Variants in CDH7 observed in about 807,000 individuals in gnomAD.
CDH7 encodes cadherin-7.
Under a neutral mutation model 71.8 loss-of-function variants are expected in CDH7, and 25 were observed. The observed-to-expected ratio is 0.35, with a 90% CI of 0.25 to 0.49. The LOEUF (loss-of-function observed/expected upper bound fraction) is 0.49. Ranked by LOEUF, CDH7 falls within the 20% of genes least tolerant of loss-of-function variation. The pLI, the probability that CDH7 is intolerant of heterozygous loss-of-function variation, is 0.99. For synonymous variants in CDH7, 381 were observed against 363.8 expected (o/e 1.05, Z -0.54); for missense variants, 862 against 974.6 (o/e 0.88, Z 1.54).
intron 2 of CDH7, among the ~76,000 whole-genome samples, chr18:65,782,413 C>T (rs1910345876): frequency 1.3e-5 from 2 of 152,040 alleles, no homozygotes; most frequent in African/African-American, 2.4e-5. Context: ...CTGCCTCGGC[C>T]TCCCAAAGTG....
At chr18:65,778,292 A>T (rs1250005660) in intron 2 of CDH7, among the ~76,000 whole-genome samples, 9 of 150,844 alleles carry the variant, frequency 6.0e-5, no homozygotes, top group Admixed American at 1.3e-4. Context: ...AAAAAAAAAA[A>T]AAAAAAAAAC....
chr18:65,812,359 G>A (rs1911575172), intron 3 of CDH7, among the ~76,000 whole-genome samples: 1 of 152,128 alleles, frequency 6.6e-6, no homozygotes, highest in South Asian at 2.1e-4. Context: ...TGTCTTCAGG[G>A]TGTACTTGAC....
intron 2 of CDH7, among the ~76,000 whole-genome samples, chr18:65,786,704 G>C (rs1163685164): frequency 6.6e-6 from 1 of 151,678 alleles, no homozygotes; most frequent in Non-Finnish European, 1.5e-5. Flanking sequence ...TTTTCTTTGA[G>C]ATAAGATCTT....
At chr18:65,814,728 T>C in intron 4 of CDH7, 124 bp downstream of exon 4, 1 of 748,064 alleles carries the variant, frequency 1.3e-6, no homozygotes, top group Non-Finnish European at 2.1e-6. Flanking sequence ...TCAATATGTC[T>C]ACTTTGGTAA....
chr18:65,761,580 C>T (rs1330917950), intron 1 of CDH7, among the ~76,000 whole-genome samples: 1 of 150,576 alleles, frequency 6.6e-6, no homozygotes, highest in Non-Finnish European at 1.5e-5. Context: ...ACTTCTTTGC[C>T]TTAATTGTTC....
intron 1 of CDH7, among the ~76,000 whole-genome samples, chr18:65,755,126 A>G (rs140695621): frequency 3.3e-5 from 5 of 152,358 alleles, no homozygotes; most frequent in East Asian, 3.9e-4. Flanking sequence ...AGGAAAGATG[A>G]TAAGTTCCAA....
At chr18:65,759,687 T>G (rs1163321994) in intron 1 of CDH7, among the ~76,000 whole-genome samples, 5 of 152,190 alleles carry the variant, frequency 3.3e-5, no homozygotes, top group Admixed American at 2.0e-4. Context: ...GATAATTGAG[T>G]TCAGCTCCTT....
At chr18:65,815,129 A>T (rs1428897296) in intron 4 of CDH7, among the ~76,000 whole-genome samples, 1 of 152,174 alleles carries the variant, frequency 6.6e-6, no homozygotes, top group Non-Finnish European at 1.5e-5. Context: ...AACAATTTTT[A>T]CTGAGTTGAA....
At chr18:65,851,977 T>C (rs1913165846) in intron 7 of CDH7, among the ~76,000 whole-genome samples, 1 of 152,210 alleles carries the variant, frequency 6.6e-6, no homozygotes, top group Non-Finnish European at 1.5e-5. Context: ...GCTGCTTTAA[T>C]GCTGCTAGTT....
intron 3 of CDH7, among the ~76,000 whole-genome samples, chr18:65,813,557 T>C (rs1017214693): frequency 1.3e-5 from 2 of 152,076 alleles, no homozygotes; most frequent in African/African-American, 4.8e-5. Flanking sequence ...AGCTTTAAAA[T>C]GTTGTATTCA....
At chr18:65,751,840 A>G (rs1038282411) in intron 1 of CDH7, among the ~76,000 whole-genome samples, 4 of 152,182 alleles carry the variant, frequency 2.6e-5, no homozygotes, top group Non-Finnish European at 5.9e-5. Flanking sequence ...GTACACTGCT[A>G]CTTGCCGGTA....
intron 2 of CDH7, among the ~76,000 whole-genome samples, chr18:65,794,342 A>C (rs949496721): frequency 6.6e-6 from 1 of 152,160 alleles, no homozygotes; most frequent in African/African-American, 2.4e-5. Context: ...TAAGATTCAC[A>C]TGACAATGAT....
intron 11 of CDH7, among the ~76,000 whole-genome samples, chr18:65,867,909 T>A (rs1913813814): frequency 6.6e-6 from 1 of 152,248 alleles, no homozygotes; most frequent in Admixed American, 6.5e-5. Context: ...AGCTTGACAG[T>A]TAGCTGTCAT....
intron 2 of CDH7, among the ~76,000 whole-genome samples, chr18:65,768,359 C>G (rs1320429961): frequency 1.3e-5 from 2 of 152,090 alleles, no homozygotes; most frequent in Non-Finnish European, 2.9e-5. Context: ...CTCAGCCTCC[C>G]CAGTATCTGG....
intron 2 of CDH7, among the ~76,000 whole-genome samples, chr18:65,766,922 A>AGTT (rs1916391218): frequency 7.3e-6 from 1 of 136,896 alleles, no homozygotes; most frequent in South Asian, 2.2e-4. Flanking sequence ...AAAAAAAAAA[A>AGTT]GTCTACAAAA....
chr18:65,824,770 T>G lies in CDH7; in HGVS notation c.920T>G (p.Leu307Trp). ...TACAAGATTGTGGATGGTGATGGTTTGGGCATTTTTAAGATTTCTGTTGAC... is the reference window on the plus strand; with the variant it reads ...TACAAGATTGTGGATGGTGATGGTTGGGGCATTTTTAAGATTTCTGTTGAC... ...MEYKIVDGDG[L>W]GIFKISVDKE... Residue 307 changes from leucine to tryptophan, a missense_variant, in exon 6 of 12, where the codon TTG becomes TGG. Leu to Trp is a moderately conservative substitution (Grantham distance 61). Transcript: ENST00000397968. The G allele has an allele frequency of 1.2e-6, 2 of 1,612,640 alleles. No individual in the cohort carries two copies. The highest frequency in any genetic ancestry group is 1.7e-6 in the Non-Finnish European group (2 of 1,178,882).
chr18:65,799,159 T>C (rs773330395), intron 2 of CDH7, among the ~76,000 whole-genome samples: 25 of 152,038 alleles, frequency 1.6e-4, no homozygotes, highest in Non-Finnish European at 2.8e-4. Flanking sequence ...AGTGCCCAGA[T>C]ACTAACAGAA....
In CDH7 at chr18:65,809,935, G is replaced by A; in HGVS notation, c.442G>A (p.Asp148Asn). 6.2e-7 allele frequency: 1 copy of A among 1,614,016 alleles called. No individual in the cohort carries two copies. The highest frequency in any genetic ancestry group is 1.1e-5 in the South Asian group (1 of 91,080). The change falls in exon 3 of 12, where the codon GAC (aspartate) becomes AAC (asparagine). Residue 148 changes from aspartate to asparagine, a missense_variant. Physicochemically the swap from Asp to Asn is conservative, Grantham distance 23 (BLOSUM62 1). Coordinates refer to ENST00000397968, the MANE Select transcript of CDH7 (RefSeq NM_004361.5). ...TGTCATCAAAATTCAGGATATCAACGACAATGAACCCAAATTTTTGGATGG... is the reference window on the plus strand; with the variant it reads ...TGTCATCAAAATTCAGGATATCAACAACAATGAACCCAAATTTTTGGATGG... ...EFVIKIQDIN[D>N]NEPKFLDGPY... is the part of the protein sequence containing the mutation.
intron 6 of CDH7, among the ~76,000 whole-genome samples, chr18:65,827,009 CAG>C (rs1462946383): frequency 6.6e-6 from 1 of 151,510 alleles, no homozygotes; most frequent in African/African-American, 2.4e-5. Flanking sequence ...GGTTTTGATA[CAG>C]AGATTCCTTA....
Sources: allele counts gnomAD v4.1 joint callset (sites outside exome capture counted in the v4.1 genomes callset), GRCh38; gene constraint gnomAD v4.1.1; transcripts MANE v1.5; gene names NCBI Gene and HGNC (gene_info 2026-07-23, HGNC 2026-07-21).